The following EPB41L2 variants were observed in gnomAD, a reference collection of about 807,000 sequenced individuals.
The protein encoded by EPB41L2 is erythrocyte membrane protein band 4.1 like 2.
In EPB41L2, 43 loss-of-function variants were observed where a neutral mutation model predicts 113.0. That is an observed-to-expected ratio of 0.38 (90% confidence interval 0.30 to 0.49). The LOEUF (loss-of-function observed/expected upper bound fraction) is 0.49, where lower values mean the gene tolerates loss of function less well. Among genes scored for constraint, EPB41L2 ranks in the 20% least tolerant of loss-of-function variants. The pLI is 0.95. For synonymous variants in EPB41L2, 442 were observed against 436.7 expected (o/e 1.01, Z -0.15); for missense variants, 1,147 against 1,223.4 (o/e 0.94, Z 0.93).
At chr6:130,948,122 C>A (rs965649481) in intron 3 of EPB41L2, among the ~76,000 whole-genome samples, 8 of 152,110 alleles carry the variant, frequency 5.3e-5, no homozygotes, top group Non-Finnish European at 8.8e-5. Flanking sequence ...CTTATAATGG[C>A]AATATTAAGT....
chr6:131,017,773 A>G (rs1222716306), intron 1 of EPB41L2, among the ~76,000 whole-genome samples: 1 of 152,206 alleles, frequency 6.6e-6, no homozygotes, highest in African/African-American at 2.4e-5. Context: ...GGTTATGCCA[A>G]CTTAGGCTCT....
chr6:130,930,163 A>G (rs188310743), intron 3 of EPB41L2, among the ~76,000 whole-genome samples: 18 of 152,212 alleles, frequency 1.2e-4, no homozygotes, highest in Admixed American at 5.9e-4. Context: ...CAATGCAAAA[A>G]CCCTGTTTCC....
intron 11 of EPB41L2, among the ~76,000 whole-genome samples, chr6:130,887,055 A>G (rs1345163988): frequency 2.6e-5 from 4 of 152,120 alleles, no homozygotes; most frequent in African/African-American, 9.7e-5. Context: ...TATTATACAT[A>G]CTCAGAAATT....
chr6:131,007,220 G>C (rs1183300583), intron 1 of EPB41L2, among the ~76,000 whole-genome samples: 1 of 152,140 alleles, frequency 6.6e-6, no homozygotes, highest in African/African-American at 2.4e-5. Flanking sequence ...CCCCGATTCT[G>C]TTCTCGTGAC....
At chr6:130,905,590 T>G (rs1258320747) in intron 5 of EPB41L2, among the ~76,000 whole-genome samples, 1 of 152,022 alleles carries the variant, frequency 6.6e-6, no homozygotes, top group Non-Finnish European at 1.5e-5. Flanking sequence ...GGCTAACTTA[T>G]TTTTTACTCT....
At chr6:130,913,863 C>CAG (rs1397720697) in intron 4 of EPB41L2, among the ~76,000 whole-genome samples, 2 of 152,074 alleles carry the variant, frequency 1.3e-5, no homozygotes, top group Non-Finnish European at 2.9e-5. Context: ...GAGGGTTGAG[C>CAG]AGACCAAGAA....
rs770396821 is a variant in EPB41L2, at chr6:130,894,396, G to A, written c.1435C>T (p.Arg479Trp). ...ACTTTCCATAGTCTTTTCGCTGCCC[G>A]GTGGTTTGGCAGTTTGAATCCAATG... Reference protein sequence around the residue: ...STIGFKLPNHRAAKRLWKVCV... With the variant: ...STIGFKLPNHWAAKRLWKVCV... The change falls in exon 10 of 20, where the codon CGG becomes TGG. Residue 479 changes from arginine (R) to tryptophan (W), a missense_variant. Coordinates refer to ENST00000337057, the MANE Select transcript of EPB41L2 (RefSeq NM_001431.4). 26 of 1,613,734 alleles carry A rather than the reference G, an allele frequency of 1.6e-5. No homozygotes were observed. Among genetic ancestry groups the A allele is most frequent in the South Asian group, 8.8e-5 (8 of 91,072 alleles).
At chr6:130,843,081 G>A (rs1776005243) in intron 19 of EPB41L2, among the ~76,000 whole-genome samples, 1 of 152,172 alleles carries the variant, frequency 6.6e-6, no homozygotes, top group African/African-American at 2.4e-5. Context: ...TGAACAAGAA[G>A]TAACTTATTG....
rs557810818 is a variant in EPB41L2, at chr6:130,901,612, T to C, written c.930-432A>G. Reference sequence around the variant, plus strand: ...CCTTTATCATCTTGACATTTCTTCTTTTCCAGAAACACCTTTAACAACAGT... The same window carrying C: ...CCTTTATCATCTTGACATTTCTTCTCTTCCAGAAACACCTTTAACAACAGT... On this transcript the variant is annotated intron_variant, in intron 6 of 19. Coordinates refer to ENST00000337057, the MANE Select transcript of EPB41L2 (RefSeq NM_001431.4). Among the ~76,000 whole-genome samples, 16 of 152,324 alleles carry C rather than the reference T, an allele frequency of 1.1e-4. 1 individual carries two copies. The highest frequency in any genetic ancestry group is 3.8e-4 in the African/African-American group (16 of 41,568).
intron 1 of EPB41L2, among the ~76,000 whole-genome samples, chr6:131,003,137 T>A (rs192252100): frequency 0.016 from 2,457 of 150,504 alleles, 64 homozygotes; most frequent in African/African-American, 0.056. Flanking sequence ...ATTCTACATT[T>A]AAAAAAAAAT....
intron 1 of EPB41L2, among the ~76,000 whole-genome samples, chr6:130,971,712 C>T (rs1776823939): frequency 1.3e-5 from 2 of 152,182 alleles, no homozygotes; most frequent in Non-Finnish European, 2.9e-5. Context: ...GTAATATTTT[C>T]AGACCACAGA....
chr6:130,931,752 G>T (rs969322151), intron 3 of EPB41L2, among the ~76,000 whole-genome samples: 1 of 152,132 alleles, frequency 6.6e-6, no homozygotes, highest in African/African-American at 2.4e-5. Flanking sequence ...ACAGGGGCAT[G>T]TAAGTTGAAA....
chr6:130,881,059 GT>G (rs1334051008), intron 12 of EPB41L2: 3 of 152,086 alleles, frequency 2.0e-5, no homozygotes, highest in African/African-American at 7.2e-5. Context: ...AATAAGAACA[GT>G]TTTTCATAGT....
chr6:131,061,201 A>G (rs938022441), intron 1 of EPB41L2, among the ~76,000 whole-genome samples: 4 of 152,196 alleles, frequency 2.6e-5, no homozygotes, highest in African/African-American at 9.7e-5. Flanking sequence ...GTTACTCTAA[A>G]TGAGCAGCCT....
chr6:131,008,833 C>T (rs1030720560), intron 1 of EPB41L2, among the ~76,000 whole-genome samples: 2 of 152,210 alleles, frequency 1.3e-5, no homozygotes, highest in Non-Finnish European at 2.9e-5. Flanking sequence ...TTGGTCATTT[C>T]TCCCGTTTGG....
In EPB41L2 at chr6:130,955,300, A is replaced by C. The variant is rs1453515420; in HGVS notation, c.510T>G (p.Ser170Arg). The C allele has an allele frequency of 6.2e-7, 1 of 1,610,284 alleles. No homozygotes were observed. Among genetic ancestry groups the C allele is most frequent in the Non-Finnish European group, 8.5e-7 (1 of 1,179,582 alleles). Residue 170 changes from serine to arginine, a missense_variant, in exon 3 of 20, where the codon AGT (serine) becomes AGG (arginine). Transcript: ENST00000337057. ...KVEMQPTELV[S>R]KEREEKVKET... ...CTTTTACCTTCTCTTCTCTCTCCTT[A>C]CTTACTAATTCAGTAGGCTGTTGAG...
chr6:130,929,504 T>C (rs991576271), intron 3 of EPB41L2, among the ~76,000 whole-genome samples: 3 of 152,164 alleles, frequency 2.0e-5, no homozygotes, highest in Non-Finnish European at 2.9e-5. Flanking sequence ...GACTCTCAGA[T>C]GACTGTGAGG....
Position 130,956,084 on chromosome 6 carries a change from C to G in EPB41L2, c.402G>C (p.Gln134His). 3 of 1,614,122 alleles carry G rather than the reference C, an allele frequency of 1.9e-6. No homozygotes were observed. The highest frequency in any genetic ancestry group is 2.5e-6 in the Non-Finnish European group (3 of 1,180,028). Residue 134 changes from glutamine to histidine, a missense_variant, in exon 2 of 20, where the codon CAG becomes CAC. Transcript: ENST00000337057. ...QAKGDAEEMA[Q>H]KKQEIKVEVK... Reference sequence around the variant, plus strand: ...CTTCAACTTTAATCTCTTGTTTCTTCTGAGCCATTTCTTCAGCATCACCCT... The same window carrying G: ...CTTCAACTTTAATCTCTTGTTTCTTGTGAGCCATTTCTTCAGCATCACCCT...
At chr6:130,950,749 A>G (rs1249437676) in intron 3 of EPB41L2, among the ~76,000 whole-genome samples, 4 of 152,224 alleles carry the variant, frequency 2.6e-5, no homozygotes, top group Non-Finnish European at 5.9e-5. Flanking sequence ...TAAAGGCAAT[A>G]TATGCAAAAG....
Sources: allele counts gnomAD v4.1 joint callset (sites outside exome capture counted in the v4.1 genomes callset), GRCh38; gene constraint gnomAD v4.1.1; transcripts MANE v1.5; gene names NCBI Gene and HGNC (gene_info 2026-07-23, HGNC 2026-07-21).